MEGF11: variants seen among roughly 807,000 people sequenced by gnomAD.
MEGF11 encodes the protein multiple epidermal growth factor-like domains protein 11.
MEGF11 carries 126 observed loss-of-function variants against 146.6 expected under a neutral mutation model. That is an observed-to-expected ratio of 0.86 (90% CI 0.74 to 1.00). The LOEUF is 1.00. Among genes scored for constraint, MEGF11 ranks in the 50% least tolerant of loss-of-function variants. The pLI is 0.00. For synonymous variants in MEGF11, 532 were observed against 583.4 expected (o/e 0.91, Z 1.27); for missense variants, 1,509 against 1,521.2 (o/e 0.99, Z 0.13).
chr15:66,175,001 T>C, intron 1 of MEGF11, among the ~76,000 whole-genome samples: 1 of 152,214 alleles, frequency 6.6e-6, no homozygotes, highest in African/African-American at 2.4e-5. Context: ...TTCAGCTAGT[T>C]TGTAATTGGT....
chr15:66,070,105 T>A (rs1352950952), intron 5 of MEGF11, among the ~76,000 whole-genome samples: 1 of 151,756 alleles, frequency 6.6e-6, no homozygotes, highest in Non-Finnish European at 1.5e-5. Flanking sequence ...AAGACTGGAG[T>A]GAAAGTCACT....
chr15:65,929,417 A>G (rs891045605), intron 12 of MEGF11, among the ~76,000 whole-genome samples: 1 of 152,208 alleles, frequency 6.6e-6, no homozygotes, highest in African/African-American at 2.4e-5. Context: ...GTTGTGAAGG[A>G]ATCTGAAGCT....
chr15:66,048,311 CA>C (rs2084305058), intron 5 of MEGF11, among the ~76,000 whole-genome samples: 1 of 152,222 alleles, frequency 6.6e-6, no homozygotes, highest in Non-Finnish European at 1.5e-5. Context: ...TTAGAGGACC[CA>C]AGGAAGAGCT....
intron 1 of MEGF11, among the ~76,000 whole-genome samples, chr15:66,183,093 A>G (rs948791473): frequency 2.6e-5 from 4 of 152,254 alleles, no homozygotes; most frequent in African/African-American, 9.6e-5. Flanking sequence ...TTTAAAACAC[A>G]CACACAGAAT....
At chr15:65,939,529 C>T (rs1284306454) in intron 10 of MEGF11, among the ~76,000 whole-genome samples, 1 of 146,746 alleles carries the variant, frequency 6.8e-6, no homozygotes, top group Non-Finnish European at 1.5e-5. Flanking sequence ...GAGTCTCGCT[C>T]TGTCGCCCAG....
chr15:65,970,759 C>T (rs1047311154), intron 7 of MEGF11, 70 bp from the exon 8 acceptor site: 3 of 1,515,692 alleles, frequency 2.0e-6, no homozygotes, highest in South Asian at 2.5e-5. Flanking sequence ...GAATGGCACA[C>T]CTGCTGTGGC....
intron 13 of MEGF11, among the ~76,000 whole-genome samples, chr15:65,924,834 G>T (rs1358003370): frequency 6.6e-6 from 1 of 152,028 alleles, no homozygotes; most frequent in Non-Finnish European, 1.5e-5. Flanking sequence ...CCTCCATGTT[G>T]GCCAGGCTGG....
At chr15:65,957,844 A>G (rs1487531962) in intron 9 of MEGF11, 123 bp from the exon 10 acceptor site, 2 of 830,950 alleles carry the variant, frequency 2.4e-6, no homozygotes. Context: ...CTGGGATTAA[A>G]TTGCTCAATG....
intron 1 of MEGF11, among the ~76,000 whole-genome samples, chr15:66,192,878 G>A (rs58467912): frequency 0.016 from 2,456 of 152,300 alleles, 57 homozygotes; most frequent in African/African-American, 0.056. Context: ...AACATCAAAT[G>A]ATTCTATAAT....
intron 5 of MEGF11, among the ~76,000 whole-genome samples, chr15:66,061,281 G>T (rs1412144746): frequency 1.3e-5 from 2 of 152,220 alleles, no homozygotes; most frequent in Non-Finnish European, 2.9e-5. Context: ...GGCCCAGGGA[G>T]TGCAGGCAGT....
intron 8 of MEGF11, among the ~76,000 whole-genome samples, chr15:65,965,600 C>CTTTCTTTCTTTCTTTTTTTTTTTTTTTTT (rs1555456992): frequency 5.3e-5 from 1 of 18,880 alleles, no homozygotes; most frequent in Non-Finnish European, 9.0e-5. Flanking sequence ...TTCTTTCTTT[C>CTTTCTTTCTTTCTTTTTTTTTTTTTTTTT]TTTTTTTTTT....
intron 4 of MEGF11, among the ~76,000 whole-genome samples, chr15:66,101,161 C>T (rs1357633782): frequency 6.6e-6 from 1 of 152,010 alleles, no homozygotes; most frequent in Non-Finnish European, 1.5e-5. Context: ...ACTTCTTCCA[C>T]ATGTCAGGGA....
intron 10 of MEGF11, among the ~76,000 whole-genome samples, chr15:65,934,052 A>T (rs1157016029): frequency 1.3e-5 from 2 of 152,172 alleles, no homozygotes; most frequent in African/African-American, 4.8e-5. Flanking sequence ...CTCACAGCTG[A>T]CACAGGCTGG....
chr15:65,965,087 G>A lies in MEGF11; in HGVS notation c.933C>T (p.Gly311=). 6.3e-7 allele frequency: 1 copy of A among 1,597,274 alleles called. No homozygotes were observed. ...AGTCACAGTGCTGTGAGCACTGGAA[G>A]CCGAAGGACCCGAAGGGGCACTCCT... ...CQEECPFGSF[G]FQCSQHCDCH... is the part of the protein sequence containing the mutation. The change falls in exon 9 of 26, where the codon GGC becomes GGT. Residue 311 remains glycine (G), a synonymous_variant. Coordinates refer to ENST00000395614, the MANE Select transcript of MEGF11 (RefSeq NM_001385028.1).
rs527332403 is a variant in MEGF11, at chr15:66,033,981, AGGGTTTT to A, written c.395-51500_395-51494del. 5.2e-3 allele frequency among the ~76,000 whole-genome samples: 787 copies of A among 152,166 alleles called. 5 individuals carry two copies. Among genetic ancestry groups the A allele is most frequent in the African/African-American group, 0.018 (748 of 41,524 alleles). The stretch of plus-strand genomic sequence containing the variant: ...AATTTTTTGTATTTTTAGTAGAGAC[AGGGTTTT>A]ACCATTTTGGCCAGGCTGGTCTTGA... On this transcript the variant is annotated intron_variant, in intron 5 of 25. Transcript: ENST00000395614.
intron 10 of MEGF11, among the ~76,000 whole-genome samples, chr15:65,951,610 C>T (rs2080402789): frequency 6.6e-6 from 1 of 152,080 alleles, no homozygotes; most frequent in Non-Finnish European, 1.5e-5. Flanking sequence ...TTGCGTGAAC[C>T]CGGGAGGTGG....
At chr15:66,108,170 C>G (rs769562808) in intron 4 of MEGF11, among the ~76,000 whole-genome samples, 2 of 152,122 alleles carry the variant, frequency 1.3e-5, no homozygotes, top group African/African-American at 4.8e-5. Flanking sequence ...GGTAACGGGA[C>G]GTTGAGGAGC....
chr15:66,180,417 T>A (rs1036131630), intron 1 of MEGF11, among the ~76,000 whole-genome samples: 1 of 152,128 alleles, frequency 6.6e-6, no homozygotes, highest in African/African-American at 2.4e-5. Flanking sequence ...CCCCTCCCCA[T>A]ACCCCATCCT....
chr15:65,980,934 A>G (rs747392800), intron 6 of MEGF11, 36 bp from the exon 7 acceptor site: 10 of 1,519,900 alleles, frequency 6.6e-6, no homozygotes, highest in Non-Finnish European at 8.8e-6. Flanking sequence ...ACACAGCAGC[A>G]TTCAGATCAG....
Sources: gnomAD v4.1 joint callset for allele counts (sites outside exome capture counted in the v4.1 genomes callset) on GRCh38, gnomAD v4.1.1 for gene constraint, MANE v1.5 for transcripts, NCBI Gene and HGNC (gene_info 2026-07-23, HGNC 2026-07-21) for gene names.